The following BARHL2 variants were observed in gnomAD, a reference collection of about 807,000 sequenced individuals.
BARHL2 encodes BarH like homeobox 2.
BARHL2 carries 10 observed loss-of-function variants against 27.1 expected under a neutral mutation model. The observed-to-expected ratio is 0.37, with a 90% CI of 0.23 to 0.63. The LOEUF (loss-of-function observed/expected upper bound fraction) is 0.63, where lower values mean the gene tolerates loss of function less well. BARHL2 is among the 20% of genes least tolerant of loss of function. The pLI is 0.65. For missense variants in BARHL2, 483 were observed against 533.5 expected (o/e 0.91, Z 0.93); for synonymous variants, 248 against 224.7 (o/e 1.10, Z -0.93).
At chr1:90,714,087 G>A (rs1183962958) in intron 2 of BARHL2, among the ~76,000 whole-genome samples, 1 of 152,236 alleles carries the variant, frequency 6.6e-6, no homozygotes, top group Non-Finnish European at 1.5e-5. Flanking sequence ...TGGTGGGACA[G>A]CTCTGTGGGA....
At chr1:90,714,845 G>A (rs1349228096) in intron 1 of BARHL2, 89 bp from the exon 2 acceptor site, 17 of 1,268,032 alleles carry the variant, frequency 1.3e-5, no homozygotes, top group Non-Finnish European at 1.7e-5. Context: ...ACATTCCCAA[G>A]CCAACTACTG....
At position 90,712,504 on chromosome 1, in the gene BARHL2, G is replaced by A; in HGVS notation, c.972C>T (p.Ser324=). ...CCGCCGCCGCCGTAGTGCTGTCCAT[G>A]CTGCCCAGCAGGCTTGGGTGATAGA... ...PYFYHPSLLG[S]MDSTTAAAAA... is the part of the protein sequence containing the mutation. The change falls in exon 3 of 3, where the codon AGC becomes AGT. Residue 324 remains serine (S), a synonymous_variant. Coordinates refer to ENST00000370445, the MANE Select transcript of BARHL2 (RefSeq NM_020063.2). 1 of 1,614,048 alleles carries A rather than the reference G, an allele frequency of 6.2e-7. No individual in the cohort carries two copies. Among genetic ancestry groups the A allele is most frequent in the Non-Finnish European group, 8.5e-7 (1 of 1,179,988 alleles).
chr1:90,717,255 G>A lies in BARHL2; in HGVS notation c.-60C>T. The A allele has an allele frequency of 1.9e-6, 3 of 1,563,722 alleles. No homozygotes were observed. Among genetic ancestry groups the A allele is most frequent in the Non-Finnish European group, 2.6e-6 (3 of 1,165,996 alleles). ...CAGCCGCCCCGAACCAGCGAAGAAA[G>A]CTATCGATCGTAAAACAAAATAAAC... On this transcript the variant is annotated 5_prime_UTR_variant, in exon 1 of 3. Coordinates refer to ENST00000370445, the MANE Select transcript of BARHL2 (RefSeq NM_020063.2).
chr1:90,712,712 C>T, intron 2 of BARHL2, 88 bp from the exon 3 acceptor site: 1 of 1,322,820 alleles, frequency 7.6e-7, no homozygotes, highest in Non-Finnish European at 1.0e-6. Flanking sequence ...CCCTTCCTGC[C>T]TCCTCCTTCA....
chr1:90,716,158 G>A (rs1015884622), intron 1 of BARHL2, among the ~76,000 whole-genome samples: 5 of 151,152 alleles, frequency 3.3e-5, no homozygotes, highest in African/African-American at 9.8e-5. Context: ...ATAAACACCA[G>A]GTTGTGATCA....
Position 90,714,712 on chromosome 1 carries a change from T to A in BARHL2, c.670A>T (p.Ser224Cys). ...GDREITSSRE[S>C]PPVRAKKPRK... ...GGCTTCTTGGCTCTCACAGGGGGAC[T>A]CTCACGGCTACTCGTAATCTCCCGG... Residue 224 changes from serine (S) to cysteine (C), a missense_variant, in exon 2 of 3, where the codon AGT becomes TGT. Around this residue, in one of 3 missense-constraint regions of BARHL2, gnomAD observed 49 missense variants for 110.6 expected, o/e 0.44. Transcript: ENST00000370445. 1.2e-6 allele frequency: 2 copies of A among 1,614,198 alleles called. No homozygotes were observed. The highest frequency in any genetic ancestry group is 1.7e-6 in the Non-Finnish European group (2 of 1,180,022).
chr1:90,716,891 G>T lies in BARHL2; in HGVS notation c.305C>A (p.Thr102Lys), dbSNP rs1658160486. Residue 102 changes from threonine to lysine, a missense_variant, in exon 1 of 3, where the codon ACG (threonine) becomes AAG (lysine). This residue lies in a region of BARHL2 where 304 missense variants were observed against 284.9 expected (regional missense o/e 1.07). Transcript: ENST00000370445. ...QQPPPPAAAP[T>K]QSLQPLPQQQ... ...TTGGGGCAAAGGCTGCAAACTTTGCGTCGGGGCCGCGGCCGGCGGCGGCGG... is the reference window on the plus strand; with the variant it reads ...TTGGGGCAAAGGCTGCAAACTTTGCTTCGGGGCCGCGGCCGGCGGCGGCGG... 2 of 1,594,106 alleles carry T rather than the reference G, an allele frequency of 1.3e-6. No individual in the cohort carries two copies. Among genetic ancestry groups the T allele is most frequent in the East Asian group, 2.3e-5 (1 of 43,320 alleles).
At position 90,716,401 on chromosome 1, in the gene BARHL2, C is replaced by T. The variant is rs1043591916; in HGVS notation, c.625+170G>A. On this transcript the variant is annotated intron_variant, in intron 1 of 2. Transcript: ENST00000370445. The stretch of plus-strand genomic sequence containing the variant: ...CAATAAACAGAACTTCGAGGAGTCC[C>T]CACATCGCACGCCCAGGCCTCCCTT... 2.0e-5 allele frequency among the ~76,000 whole-genome samples: 3 copies of T among 152,318 alleles called. No homozygotes were observed. In the East Asian group the frequency reaches 5.8e-4, roughly 29 times the overall value.
Position 90,714,566 on chromosome 1 carries a change from A to G in BARHL2, c.816T>C (p.Thr272=), listed in dbSNP as rs1276250489. Residue 272 remains threonine (T), a synonymous_variant, in exon 2 of 3, where the codon ACT becomes ACC. Coordinates refer to ENST00000370445, the MANE Select transcript of BARHL2 (RefSeq NM_020063.2). ...RMDLAAALNL[T]DTQVKTWYQN... is the part of the protein sequence containing the mutation. The stretch of plus-strand genomic sequence containing the variant: ...GGTACCAGGTCTTGACTTGGGTGTC[A>G]GTGAGGTTGAGCGCTGCAGCCAGGT... 1.2e-6 allele frequency: 2 copies of G among 1,614,066 alleles called. No individual in the cohort carries two copies. The highest frequency in any genetic ancestry group is 2.2e-5 in the East Asian group (1 of 44,892).
Position 90,712,535 on chromosome 1 carries a change from G to A in BARHL2, c.941C>T (p.Pro314Leu). The change falls in exon 3 of 3, where the codon CCT (proline) becomes CTT (leucine). Residue 314 changes from proline to leucine, a missense_variant. Physicochemically the swap from Pro to Leu is moderately conservative, Grantham distance 98. Coordinates refer to ENST00000370445, the MANE Select transcript of BARHL2 (RefSeq NM_020063.2). ...YSALQRMFPS[P>L]YFYHPSLLGS... Reference sequence around the variant, plus strand: ...CAGCAGGCTTGGGTGATAGAAATAAGGCGATGGAAACATCCTCTGCAGCGC... The same window carrying A: ...CAGCAGGCTTGGGTGATAGAAATAAAGCGATGGAAACATCCTCTGCAGCGC... The A allele has an allele frequency of 1.2e-6, 2 of 1,614,080 alleles. No individual in the cohort carries two copies. Among genetic ancestry groups the A allele is most frequent in the Non-Finnish European group, 1.7e-6 (2 of 1,180,012 alleles).
Position 90,712,494 on chromosome 1 carries a change from T to G in BARHL2, c.982A>C (p.Thr328Pro), listed in dbSNP as rs780014983. The G allele has an allele frequency of 2.5e-6, 4 of 1,613,942 alleles. No individual in the cohort carries two copies. In the Admixed American group the frequency reaches 5.0e-5, roughly 20 times the overall value. The change falls in exon 3 of 3, where the codon ACT becomes CCT. Residue 328 changes from threonine (T) to proline (P), a missense_variant. Thr to Pro is a conservative substitution (Grantham distance 38, BLOSUM62 -1). Coordinates refer to ENST00000370445, the MANE Select transcript of BARHL2 (RefSeq NM_020063.2). ...HPSLLGSMDSTTAAAAAAAMY... is the reference protein window; with the variant it reads ...HPSLLGSMDSPTAAAAAAAMY... ...GCAGCGGCAGCCGCCGCCGCCGTAGTGCTGTCCATGCTGCCCAGCAGGCTT... is the reference window on the plus strand; with the variant it reads ...GCAGCGGCAGCCGCCGCCGCCGTAGGGCTGTCCATGCTGCCCAGCAGGCTT...
chr1:90,713,259 G>A (rs1053165583), intron 2 of BARHL2, among the ~76,000 whole-genome samples: 3 of 152,160 alleles, frequency 2.0e-5, no homozygotes, highest in African/African-American at 4.8e-5. Context: ...TTTGAGGGAG[G>A]GTTCTCCCAA....
At position 90,714,514 on chromosome 1, in the gene BARHL2, C is replaced by A. The variant is rs765157724; in HGVS notation, c.851+17G>T. 3 of 1,612,834 alleles carry A rather than the reference C, an allele frequency of 1.9e-6. No individual in the cohort carries two copies. Among genetic ancestry groups the A allele is most frequent in the South Asian group, 1.1e-5 (1 of 91,044 alleles). ...AAATGGCCAGACACCTTTGCTCCCC[C>A]AAAGTGCCTCCCTTACCTGCGGTTC... is the stretch of plus-strand genomic sequence containing the variant. On this transcript the variant is annotated intron_variant, in intron 2 of 2. Transcript: ENST00000370445.
At chr1:90,714,259 G>T (rs1464813713) in intron 2 of BARHL2, among the ~76,000 whole-genome samples, 1 of 152,204 alleles carries the variant, frequency 6.6e-6, no homozygotes, top group Non-Finnish European at 1.5e-5. Context: ...GGGATGAAGT[G>T]GGGGGAATTC....
intron 2 of BARHL2, 32 bp from the exon 3 acceptor site, chr1:90,712,656 A>G (rs1658060912): frequency 6.4e-7 from 1 of 1,563,802 alleles, no homozygotes; most frequent in Non-Finnish European, 8.7e-7. Context: ...GGCACCCAGC[A>G]GCTGTGGGCA....
Position 90,716,858 on chromosome 1 carries a change from T to G in BARHL2, c.338A>C (p.Gln113Pro), listed in dbSNP as rs1041397679. The G allele has an allele frequency of 2.1e-5, 32 of 1,558,312 alleles. No homozygotes were observed. The highest frequency in any genetic ancestry group is 2.8e-5 in the Non-Finnish European group (32 of 1,152,304). The change falls in exon 1 of 3, where the codon CAG becomes CCG. Residue 113 changes from glutamine to proline, a missense_variant. This residue lies in a region of BARHL2 where 304 missense variants were observed against 284.9 expected (regional missense o/e 1.07). Transcript: ENST00000370445. Reference protein sequence around the residue: ...QSLQPLPQQQQPLPPQQPPPP... With the variant: ...QSLQPLPQQQPPLPPQQPPPP... ...CGGCGGCTGCTGTGGCGGCAGCGGC[T>G]GCTGCTGTTGGGGCAAAGGCTGCAA...
At chr1:90,715,170 C>CTT (rs35625130) in intron 1 of BARHL2, among the ~76,000 whole-genome samples, 294 of 66,206 alleles carry the variant, frequency 4.4e-3, no homozygotes, top group Middle Eastern at 0.01. Context: ...TCCCTCTACT[C>CTT]TTTTTTTTTT....
chr1:90,717,098 C>CG lies in BARHL2; in HGVS notation c.97dup (p.Arg33ProfsTer5). 2 of 1,613,840 alleles carry CG rather than the reference C, an allele frequency of 1.2e-6. No homozygotes were observed. Among genetic ancestry groups the CG allele is most frequent in the Non-Finnish European group, 1.7e-6 (2 of 1,179,964 alleles). Reference sequence around the variant, plus strand: ...CGCGGTCCTGGCCTCACCGAGCGGGCGGAAATCTCCATTCATCATGCCTGG... The same window carrying CG: ...CGCGGTCCTGGCCTCACCGAGCGGGCGGGAAATCTCCATTCATCATGCCTGG... On this transcript the variant is annotated frameshift_variant, in exon 1 of 3. Transcript: ENST00000370445. LOFTEE classifies it high-confidence loss of function.
chr1:90,711,696 A>T lies in BARHL2; in HGVS notation c.*616T>A, dbSNP rs1658034639. ...TGACTCTTTTTGGACAACATATAAT[A>T]AATATGATATATCACTTATCACTCA... On this transcript the variant is annotated 3_prime_UTR_variant, in exon 3 of 3. Coordinates refer to ENST00000370445, the MANE Select transcript of BARHL2 (RefSeq NM_020063.2). 1 of 152,212 alleles carries T rather than the reference A, an allele frequency of 6.6e-6. No homozygotes were observed. Among genetic ancestry groups the T allele is most frequent in the Non-Finnish European group, 1.5e-5 (1 of 68,048 alleles). The allele number at this position is 152,212 out of a possible 1,614,324, so 9.4% of individuals were successfully genotyped here.
Sources: gnomAD v4.1 joint callset for allele counts (sites outside exome capture counted in the v4.1 genomes callset) on GRCh38, gnomAD v4.1.1 for gene constraint, gnomAD v4.1.1 regional missense constraint, MANE v1.5 for transcripts, NCBI Gene and HGNC (gene_info 2026-07-23, HGNC 2026-07-21) for gene names.